The following EXOC6 variants were observed in gnomAD, a reference collection of about 807,000 sequenced individuals.
EXOC6 encodes the protein exocyst complex component 6, also known as SEC15-like 1.
EXOC6 carries 60 observed loss-of-function variants against 112.5 expected under a neutral mutation model. That is an observed-to-expected ratio of 0.53 (90% CI 0.43 to 0.66). EXOC6 has a LOEUF of 0.66. Ranked by LOEUF, EXOC6 falls within the 30% of genes least tolerant of loss-of-function variation. EXOC6 has a pLI of 0.00. For missense variants in EXOC6, 855 were observed against 957.1 expected (o/e 0.89, Z 1.41); for synonymous variants, 295 against 308.0 (o/e 0.96, Z 0.44).
intron 9 of EXOC6, among the ~76,000 whole-genome samples, chr10:92,930,970 G>A (rs975731098): frequency 1.6e-4 from 25 of 152,070 alleles, no homozygotes; most frequent in African/African-American, 6.0e-4. Context: ...AAATTAGCTG[G>A]GAGTGGTGGC....
At chr10:92,854,089 T>C (rs1847482757) in intron 1 of EXOC6, among the ~76,000 whole-genome samples, 2 of 150,404 alleles carry the variant, frequency 1.3e-5, no homozygotes, top group South Asian at 4.2e-4. Flanking sequence ...ATCCAATAAA[T>C]AAATTCTGTC....
intron 1 of EXOC6, among the ~76,000 whole-genome samples, chr10:92,839,728 C>T (rs1001024897): frequency 1.3e-5 from 2 of 151,792 alleles, no homozygotes; most frequent in African/African-American, 4.8e-5. Context: ...ATGTCTGAAC[C>T]GACTTGGGTT....
intron 20 of EXOC6, among the ~76,000 whole-genome samples, chr10:93,034,675 G>A (rs1321946956): frequency 6.6e-6 from 1 of 152,068 alleles, no homozygotes; most frequent in Non-Finnish European, 1.5e-5. Flanking sequence ...TAATCTTAAG[G>A]CATCACAACA....
intron 8 of EXOC6, among the ~76,000 whole-genome samples, chr10:92,920,920 C>A (rs1300107503): frequency 6.6e-6 from 1 of 152,158 alleles, no homozygotes; most frequent in Non-Finnish European, 1.5e-5. Flanking sequence ...TTCTTCTGAG[C>A]ACTATTGGCA....
intron 1 of EXOC6, among the ~76,000 whole-genome samples, chr10:92,865,818 T>C (rs1183347814): frequency 6.6e-6 from 1 of 152,142 alleles, no homozygotes; most frequent in Non-Finnish European, 1.5e-5. Flanking sequence ...ATGTTTTCTA[T>C]GTTATGTTTA....
intron 1 of EXOC6, among the ~76,000 whole-genome samples, chr10:92,869,877 G>A (rs1309757455): frequency 6.6e-6 from 1 of 151,178 alleles, no homozygotes; most frequent in Non-Finnish European, 1.5e-5. Flanking sequence ...GAGACAGGGG[G>A]CATCTTTTTT....
chr10:92,922,549 G>A (rs1003326963), intron 8 of EXOC6, among the ~76,000 whole-genome samples: 9 of 152,118 alleles, frequency 5.9e-5, no homozygotes, highest in African/African-American at 2.2e-4. Context: ...AGCCAAAAAA[G>A]CTCTTTGTCC....
chr10:92,906,484 A>G (rs1850449474), intron 5 of EXOC6, among the ~76,000 whole-genome samples: 3 of 152,204 alleles, frequency 2.0e-5, no homozygotes, highest in South Asian at 2.1e-4. Context: ...GAGAATCATT[A>G]GAGTACTCAC....
At chr10:92,828,150 T>C (rs1413487157) in intron 1 of EXOC6, among the ~76,000 whole-genome samples, 4 of 152,184 alleles carry the variant, frequency 2.6e-5, no homozygotes, top group Admixed American at 6.5e-5. Context: ...ACATATACAA[T>C]CATGTATTCC....
chr10:92,881,619 G>A lies in EXOC6; in HGVS notation c.102-11730G>A, dbSNP rs542477835. On this transcript the variant is annotated intron_variant, in intron 1 of 21. Transcript: ENST00000260762. ...GGAATCTTCCTTTTTCTTGACCTAC[G>A]TATTATTTCCTTGGAGCTGTTGTGT... Among the ~76,000 whole-genome samples the A allele has an allele frequency of 1.2e-4, 18 of 152,208 alleles. No individual in the cohort carries two copies. The South Asian group carries it at 3.7e-3, about 32-fold the overall frequency.
intron 20 of EXOC6, among the ~76,000 whole-genome samples, chr10:93,042,462 T>C (rs990197646): frequency 6.6e-6 from 1 of 152,242 alleles, no homozygotes; most frequent in Non-Finnish European, 1.5e-5. Context: ...TACCGTCTTT[T>C]CATCACTAGT....
chr10:93,038,321 A>T (rs1263673862), intron 20 of EXOC6, among the ~76,000 whole-genome samples: 1 of 152,144 alleles, frequency 6.6e-6, no homozygotes, highest in African/African-American at 2.4e-5. Context: ...TGTGAATCTG[A>T]CAACAGAGTT....
At chr10:93,018,394 CATTAGAAT>C (rs1383165226) in intron 20 of EXOC6, among the ~76,000 whole-genome samples, 2 of 151,988 alleles carry the variant, frequency 1.3e-5, no homozygotes, top group Non-Finnish European at 2.9e-5. Flanking sequence ...TTCAAAAAAA[CATTAGAAT>C]ATACAAAAAA....
chr10:92,854,505 T>C (rs534312006), intron 1 of EXOC6, among the ~76,000 whole-genome samples: 1 of 152,256 alleles, frequency 6.6e-6, no homozygotes, highest in South Asian at 2.1e-4. Context: ...TCTCATACAC[T>C]GCTGTGGGAA....
chr10:92,982,032 C>T (rs1842843106), intron 18 of EXOC6, among the ~76,000 whole-genome samples: 1 of 152,148 alleles, frequency 6.6e-6, no homozygotes, highest in Non-Finnish European at 1.5e-5. Context: ...AGGAGAATCA[C>T]TTGAACCCGG....
intron 1 of EXOC6, among the ~76,000 whole-genome samples, chr10:92,878,776 TG>T (rs1260258560): frequency 6.6e-6 from 1 of 152,186 alleles, no homozygotes; most frequent in African/African-American, 2.4e-5. Flanking sequence ...ACAAATGTGT[TG>T]TTTTTTTAAG....
intron 20 of EXOC6, among the ~76,000 whole-genome samples, chr10:93,035,192 G>A (rs192852203): frequency 2.2e-3 from 332 of 152,256 alleles, no homozygotes; most frequent in African/African-American, 7.6e-3. Flanking sequence ...TGACTTTTGC[G>A]TTTTTCTTCT....
In EXOC6 at chr10:92,855,874, C is replaced by CT. The variant is rs577878930; in HGVS notation, c.101+7248dup. 8.7e-4 allele frequency among the ~76,000 whole-genome samples: 132 copies of CT among 150,982 alleles called. 5 individuals are homozygous for CT. In the South Asian group the frequency reaches 0.017, roughly 20 times the overall value. On this transcript the variant is annotated intron_variant, in intron 1 of 21. Transcript: ENST00000260762. ...TTTTTCTCTATTGTTTTTGTTTTTT[C>CT]TTTTTTTTGAGATGAAGTCTTGCTC...
chr10:92,859,575 A>G (rs1847797319), intron 1 of EXOC6, among the ~76,000 whole-genome samples: 1 of 152,188 alleles, frequency 6.6e-6, no homozygotes, highest in Admixed American at 6.5e-5. Flanking sequence ...TGATTTATTG[A>G]GGGAATACTT....
Sources: allele counts gnomAD v4.1 joint callset (sites outside exome capture counted in the v4.1 genomes callset), GRCh38; gene constraint gnomAD v4.1.1; transcripts MANE v1.5; gene names NCBI Gene and HGNC (gene_info 2026-07-23, HGNC 2026-07-21).